The following CTNNA3 variants were observed in gnomAD, a reference collection of about 807,000 sequenced individuals.
The protein encoded by CTNNA3 is catenin alpha-3.
A neutral mutation model predicts 95.7 loss-of-function variants in CTNNA3; 76 were observed. The ratio of observed to expected loss-of-function variants is 0.79; its 90% CI spans 0.66 to 0.96. The LOEUF is 0.96. Among genes scored for constraint, CTNNA3 ranks in the 40% least tolerant of loss-of-function variants. The probability of loss-of-function intolerance (pLI) is 0.00; values close to 1 mark genes in which losing one functional copy is unlikely to be tolerated. For synonymous variants in CTNNA3, 431 were observed against 374.4 expected (o/e 1.15, Z -1.74); for missense variants, 1,191 against 1,089.8 (o/e 1.09, Z -1.31).
At chr10:66,130,629 G>T (rs1161139526) in intron 13 of CTNNA3, among the ~76,000 whole-genome samples, 1 of 151,952 alleles carries the variant, frequency 6.6e-6, no homozygotes, top group African/African-American at 2.4e-5. Context: ...AGGATCGTGA[G>T]GTCTCGAGTT....
intron 5 of CTNNA3, among the ~76,000 whole-genome samples, chr10:67,259,691 C>T (rs1042345877): frequency 2.0e-5 from 3 of 152,168 alleles, no homozygotes; most frequent in African/African-American, 7.2e-5. Flanking sequence ...CGCTTCCTTG[C>T]TTCTAACTCC....
At chr10:66,992,831 T>G (rs1023577023) in intron 7 of CTNNA3, among the ~76,000 whole-genome samples, 2 of 152,150 alleles carry the variant, frequency 1.3e-5, no homozygotes, top group African/African-American at 2.4e-5. Context: ...TTTTAATGCC[T>G]TTTTAGTGAT....
chr10:66,673,689 A>G (rs1846744863), intron 9 of CTNNA3, among the ~76,000 whole-genome samples: 1 of 152,090 alleles, frequency 6.6e-6, no homozygotes, highest in Admixed American at 6.6e-5. Flanking sequence ...TATACTACAT[A>G]ATCTTAAAGG....
At chr10:65,951,880 A>AT (rs2077621467) in intron 17 of CTNNA3, among the ~76,000 whole-genome samples, 1 of 152,114 alleles carries the variant, frequency 6.6e-6, no homozygotes, top group Non-Finnish European at 1.5e-5. Context: ...ATACAAAAAA[A>AT]TTAGCCGGGC....
In CTNNA3 at chr10:67,172,576, G is replaced by A. The variant is rs115190016; in HGVS notation, c.1047+7741C>T. On this transcript the variant is annotated intron_variant, in intron 7 of 17. Coordinates refer to ENST00000433211, the MANE Select transcript of CTNNA3 (RefSeq NM_013266.4). ...TACACACACACACTATAGTCATATA[G>A]TCATATAGTTTCTAGGTGGCCATAC... Among the ~76,000 whole-genome samples, 1,053 of 151,988 alleles carry A rather than the reference G, an allele frequency of 6.9e-3. 7 individuals are homozygous for A. The highest frequency in any genetic ancestry group is 0.024 in the African/African-American group (984 of 41,430).
intron 7 of CTNNA3, among the ~76,000 whole-genome samples, chr10:66,963,785 C>T (rs1353849626): frequency 6.6e-6 from 1 of 151,712 alleles, no homozygotes; most frequent in Admixed American, 6.6e-5. Context: ...AGAATTTGGG[C>T]TAGAAAGTGG....
chr10:65,982,697 G>A (rs7900019), intron 16 of CTNNA3, among the ~76,000 whole-genome samples: 93,059 of 143,102 alleles, frequency 0.65, 29,864 homozygotes, highest in Non-Finnish European at 0.7. Context: ...ATATATATAT[G>A]TGTGTGTGTG....
rs373661106 is a variant in CTNNA3 at position 67,539,586 on chromosome 10, G to T, written c.376C>A (p.Arg126Ser). 6.2e-7 allele frequency: 1 copy of T among 1,613,820 alleles called. No individual in the cohort carries two copies. Among genetic ancestry groups the T allele is most frequent in the South Asian group, 1.1e-5 (1 of 91,074 alleles). ...PKREAVVQAARALLAAVTRLL... is the reference protein window; with the variant it reads ...PKREAVVQAASALLAAVTRLL... ...CTCGTCACCGCAGCCAGCAAGGCAC[G>T]GGCAGCTTGAACCACAGCCTCCCTT... The change falls in exon 4 of 18, where the codon CGT becomes AGT. Residue 126 changes from arginine (R) to serine (S), a missense_variant. Arg to Ser is a moderately radical substitution (Grantham distance 110). Coordinates refer to ENST00000433211, the MANE Select transcript of CTNNA3 (RefSeq NM_013266.4).
intron 7 of CTNNA3, among the ~76,000 whole-genome samples, chr10:67,104,672 C>T (rs1362833345): frequency 6.6e-6 from 1 of 151,840 alleles, no homozygotes; most frequent in South Asian, 2.1e-4. Context: ...TGCAAGTAAT[C>T]CCATTGGTTT....
intron 9 of CTNNA3, among the ~76,000 whole-genome samples, chr10:66,698,078 C>T (rs1383192720): frequency 6.6e-6 from 1 of 152,236 alleles, no homozygotes; most frequent in South Asian, 2.1e-4. Context: ...ACAAGCTCTG[C>T]CTTTTTACCC....
At position 66,267,826 on chromosome 10, in the gene CTNNA3, G is replaced by C. The variant is rs145945755; in HGVS notation, c.1884+12644C>G. On this transcript the variant is annotated intron_variant, in intron 13 of 17. Transcript: ENST00000433211. ...TTTATTTAGAAGAGGGTATCAAAAA[G>C]ATTATGTATAGCTTAATATCTTAAA... 2.1e-3 allele frequency among the ~76,000 whole-genome samples: 320 copies of C among 152,060 alleles called. 2 individuals carry two copies. The highest frequency in any genetic ancestry group is 7.4e-3 in the African/African-American group (308 of 41,516).
At chr10:67,710,377 G>T (rs565934329) in intron 1 of CTNNA3, among the ~76,000 whole-genome samples, 1 of 152,324 alleles carries the variant, frequency 6.6e-6, no homozygotes, top group African/African-American at 2.4e-5. Context: ...GTGAAGGAAT[G>T]AGATTAATCC....
chr10:67,409,286 G>A (rs1360429951), intron 5 of CTNNA3, among the ~76,000 whole-genome samples: 1 of 152,002 alleles, frequency 6.6e-6, no homozygotes, highest in Non-Finnish European at 1.5e-5. Context: ...GCATGCACAC[G>A]TATGTTTATT....
rs575491970 is a variant in CTNNA3, at chr10:66,981,156, G to C, written c.1047+199161C>G. On this transcript the variant is annotated intron_variant, in intron 7 of 17. Coordinates refer to ENST00000433211, the MANE Select transcript of CTNNA3 (RefSeq NM_013266.4). The stretch of plus-strand genomic sequence containing the variant: ...TAACCTCATGTGATCCACCTACCTT[G>C]GCCTCCCAAAGTGCTGGGATTACAG... Among the ~76,000 whole-genome samples the C allele has an allele frequency of 5.3e-5, 8 of 152,208 alleles. No individual in the cohort carries two copies. In the South Asian group the frequency reaches 8.3e-4, roughly 16 times the overall value.
intron 7 of CTNNA3, among the ~76,000 whole-genome samples, chr10:66,831,101 C>CA (rs1164681706): frequency 6.6e-6 from 1 of 152,168 alleles, no homozygotes; most frequent in East Asian, 1.9e-4. Context: ...AATGCATCAC[C>CA]ATCATCCTCT....
intron 16 of CTNNA3, among the ~76,000 whole-genome samples, chr10:65,978,590 G>A (rs1322195931): frequency 4.0e-5 from 6 of 151,846 alleles, no homozygotes; most frequent in Non-Finnish European, 7.4e-5. Context: ...ATCCAGCTCT[G>A]TCATCAGGCG....
chr10:66,347,537 C>T (rs572076306), intron 12 of CTNNA3, among the ~76,000 whole-genome samples: 2 of 151,914 alleles, frequency 1.3e-5, no homozygotes, highest in African/African-American at 4.8e-5. Context: ...TTGCTTGAGC[C>T]CAGAAGGTAG....
intron 12 of CTNNA3, among the ~76,000 whole-genome samples, chr10:66,309,860 C>T (rs1238681280): frequency 6.7e-6 from 1 of 149,840 alleles, no homozygotes. Flanking sequence ...GAGTTCGAGA[C>T]CAGCCTAGCC....
chr10:66,899,426 C>T (rs182836472), intron 7 of CTNNA3, among the ~76,000 whole-genome samples: 14 of 152,310 alleles, frequency 9.2e-5, no homozygotes, highest in Admixed American at 2.0e-4. Flanking sequence ...CAGCTCCGGT[C>T]GGAAGCTCCT....
Sources: gnomAD v4.1 joint callset for allele counts (sites outside exome capture counted in the v4.1 genomes callset) on GRCh38, gnomAD v4.1.1 for gene constraint, MANE v1.5 for transcripts, NCBI Gene and HGNC (gene_info 2026-07-23, HGNC 2026-07-21) for gene names.